Variants in KIF13A observed in about 807,000 individuals in gnomAD.
KIF13A encodes the protein kinesin-like protein KIF13A.
KIF13A carries 79 observed loss-of-function variants against 212.2 expected under a neutral mutation model. The observed-to-expected ratio is 0.37, with a 90% CI of 0.31 to 0.45. KIF13A has a LOEUF of 0.45. Among genes scored for constraint, KIF13A ranks in the 20% least tolerant of loss-of-function variants. The probability of loss-of-function intolerance (pLI) is 1.00; values close to 1 mark genes in which losing one functional copy is unlikely to be tolerated. For synonymous variants in KIF13A, 789 were observed against 808.6 expected (o/e 0.98, Z 0.41); for missense variants, 1,901 against 2,209.0 (o/e 0.86, Z 2.79).
Position 17,794,374 on chromosome 6 carries a change from C to G in KIF13A, c.3097G>C (p.Val1033Leu). The change falls in exon 25 of 39, where the codon GTC (valine) becomes CTC (leucine). Residue 1033 changes from valine to leucine, a missense_variant. Val to Leu is a conservative substitution (Grantham distance 32). Transcript: ENST00000259711. This position sits in a 1 kb window ranked among gnomAD's most constrained non-coding sequence, Gnocchi z 4.1. ...LRQGHSRRVQ[V>L]TVKPVQHSGT... is the part of the protein sequence containing the mutation. ...GAATGCTGCACAGGTTTCACCGTGA[C>G]TTGTACTCTACGGGAATGACCCTGA... 1 of 1,613,568 alleles carries G rather than the reference C, an allele frequency of 6.2e-7. No homozygotes were observed. Among genetic ancestry groups the G allele is most frequent in the Non-Finnish European group, 8.5e-7 (1 of 1,179,616 alleles).
At chr6:17,797,092 C>A (rs929338510) in intron 22 of KIF13A, among the ~76,000 whole-genome samples, 1 of 151,028 alleles carries the variant, frequency 6.6e-6, no homozygotes, top group East Asian at 2.0e-4. Flanking sequence ...TGCAGTGGTG[C>A]GATCTCCGCT....
chr6:17,818,671 T>C (rs765478048), intron 16 of KIF13A, among the ~76,000 whole-genome samples: 13 of 152,146 alleles, frequency 8.5e-5, no homozygotes, highest in Non-Finnish European at 1.6e-4. Flanking sequence ...AGCCTAAGTG[T>C]GGATATCATC....
chr6:17,800,124 G>C lies in KIF13A; in HGVS notation c.2455-11C>G, dbSNP rs536517659. 3.1e-6 allele frequency: 5 copies of C among 1,612,456 alleles called. No individual in the cohort carries two copies. In the South Asian group the frequency reaches 5.5e-5, roughly 18 times the overall value. On this transcript the variant is annotated splice_polypyrimidine_tract_variant and intron_variant, in intron 20 of 38. Coordinates refer to ENST00000259711, the MANE Select transcript of KIF13A (RefSeq NM_022113.6). ...GAGACGCCCTGCAACCTGGGTCAAG[G>C]AACCAGAGCACCTTAGAGTGAACAG...
intron 2 of KIF13A, among the ~76,000 whole-genome samples, chr6:17,985,632 C>CG (rs1554128614): frequency 0.031 from 1,197 of 38,164 alleles, 91 homozygotes; most frequent in African/African-American, 0.14. Flanking sequence ...ATGCAGTTTG[C>CG]GGGGGGGTGG....
chr6:17,952,731 C>T lies in KIF13A; in HGVS notation c.146+34323G>A, dbSNP rs183937358. 5.1e-3 allele frequency among the ~76,000 whole-genome samples: 772 copies of T among 152,060 alleles called. 2 individuals carry two copies. Among genetic ancestry groups the T allele is most frequent in the Middle Eastern group, 0.034 (10 of 294 alleles). On this transcript the variant is annotated intron_variant, in intron 2 of 38. Coordinates refer to ENST00000259711, the MANE Select transcript of KIF13A (RefSeq NM_022113.6). ...AGATCACGAGGTCAGGAGATTGAGA[C>T]CATCCTGGCTAACACGGTGAAACAC...
At position 17,786,939 on chromosome 6, in the gene KIF13A, TA is replaced by T. The variant is rs1253472206; in HGVS notation, c.3361+836del. 6.6e-6 allele frequency among the ~76,000 whole-genome samples: 1 copy of T among 152,092 alleles called. No individual in the cohort carries two copies. Among genetic ancestry groups the T allele is most frequent in the Admixed American group, 6.5e-5 (1 of 15,272 alleles). ...GGACCATGATGTCTGGATGACAGAC[TA>T]AGGATTTTAAGTGCATATTTCTACT... On this transcript the variant is annotated intron_variant, in intron 27 of 38. Coordinates refer to ENST00000259711, the MANE Select transcript of KIF13A (RefSeq NM_022113.6). The surrounding 1 kb of genome is among the most constrained non-coding windows in gnomAD (Gnocchi z 5.4).
At position 17,825,861 on chromosome 6, in the gene KIF13A, C is replaced by T; in HGVS notation, c.1693G>A (p.Asp565Asn). 6.2e-7 allele frequency: 1 copy of T among 1,613,980 alleles called. No homozygotes were observed. The highest frequency in any genetic ancestry group is 8.5e-7 in the Non-Finnish European group (1 of 1,179,864). Reference sequence around the variant, plus strand: ...GAAGCCTCACTGGCTGCATCCAGGTCATGCTCTGGCGGGCCCGTTTCTTTT... The same window carrying T: ...GAAGCCTCACTGGCTGCATCCAGGTTATGCTCTGGCGGGCCCGTTTCTTTT... ...FEKETGPPEH[D>N]LDAASEASSE... Residue 565 changes from aspartate to asparagine, a missense_variant, in exon 16 of 39, where the codon GAC (aspartate) becomes AAC (asparagine). This residue lies in a region of KIF13A where 534 missense variants were observed against 536.9 expected (regional missense o/e 0.99). Transcript: ENST00000259711. The surrounding 1 kb of genome is among the most constrained non-coding windows in gnomAD (Gnocchi z 4.5).
chr6:17,778,900 G>C lies in KIF13A; in HGVS notation c.4092+47C>G. On this transcript the variant is annotated intron_variant, in intron 33 of 38. Transcript: ENST00000259711. ...GTAAATTCATATCTGTCCATTGGGG[G>C]TGAAGGCTGGTGCTTTCATCCTCGG... 1.9e-6 allele frequency: 3 copies of C among 1,545,766 alleles called. No individual in the cohort carries two copies. The East Asian group carries it at 7.3e-5, about 38-fold the overall frequency.
At chr6:17,840,603 C>T (rs550345996) in intron 9 of KIF13A, among the ~76,000 whole-genome samples, 61 of 152,214 alleles carry the variant, frequency 4.0e-4, no homozygotes, top group Admixed American at 1.1e-3. Context: ...TTATCCATCA[C>T]CGAGAGAAGA....
Position 17,828,407 on chromosome 6 carries a change from T to C in KIF13A, c.1402-37A>G. The C allele has an allele frequency of 6.3e-7, 1 of 1,585,974 alleles. No individual in the cohort carries two copies. On this transcript the variant is annotated intron_variant, in intron 13 of 38. Transcript: ENST00000259711. This position sits in a 1 kb window ranked among gnomAD's most constrained non-coding sequence, Gnocchi z 4.3. ...TTATTAAGGAAAGAAAAACCCACAT[T>C]TATGAGTAACTCAGCAAAAATGTAT...
intron 32 of KIF13A, 138 bp downstream of exon 32, chr6:17,779,454 T>G: frequency 2.3e-6 from 1 of 438,768 alleles, no homozygotes; most frequent in Non-Finnish European, 4.3e-6. Flanking sequence ...GTATGTTTAG[T>G]AGAGATAGGG....
chr6:17,921,488 A>G (rs186230780), intron 2 of KIF13A, among the ~76,000 whole-genome samples: 177 of 152,360 alleles, frequency 1.2e-3, no homozygotes, highest in African/African-American at 3.9e-3. Context: ...GTAACCCCTT[A>G]GTACAATCTT....
chr6:17,796,822 T>A lies in KIF13A; in HGVS notation c.2791-2A>T. 4 of 1,494,658 alleles carry A rather than the reference T, an allele frequency of 2.7e-6. No homozygotes were observed. The highest frequency in any genetic ancestry group is 3.6e-6 in the Non-Finnish European group (4 of 1,117,064). The allele number at this position is 1,494,658 out of a possible 1,614,324, so 92.6% of individuals were successfully genotyped here. A position where few individuals can be genotyped will look rare whatever the true frequency, so the allele number is the denominator to read the frequency against. On this transcript the variant is annotated splice_acceptor_variant, in intron 22 of 38. Transcript: ENST00000259711. LOFTEE classifies it high-confidence loss of function. ...TTCTGTTACATTCACCACATAGTCC[T>A]GGGATAAGTGGGGGAAAGCAAAAGA...
In KIF13A at chr6:17,808,885, C is replaced by T. The variant is rs754477274; in HGVS notation, c.2046G>A (p.Leu682=). ...RQSLAKLREQ[L]VKANTLVREA... is the part of the protein sequence containing the mutation. ...CCCTCACCAAGGTATTAGCTTTAAC[C>T]AGCTGCTCTCGCAGTTTTGCCAGGC... The change falls in exon 18 of 39, where the codon CTG becomes CTA. Residue 682 remains leucine (L), a synonymous_variant. Transcript: ENST00000259711. The T allele has an allele frequency of 3.7e-6, 6 of 1,613,438 alleles. No homozygotes were observed. The South Asian group carries it at 6.6e-5, about 18-fold the overall frequency.
At position 17,927,641 on chromosome 6, in the gene KIF13A, C is replaced by A. The variant is rs187006054; in HGVS notation, c.147-29461G>T. Among the ~76,000 whole-genome samples, 9 of 152,304 alleles carry A rather than the reference C, an allele frequency of 5.9e-5. No individual in the cohort carries two copies. The South Asian group carries it at 1.7e-3, about 28-fold the overall frequency. On this transcript the variant is annotated intron_variant, in intron 2 of 38. Transcript: ENST00000259711. ...ATGTATTTGATACCACTGAATTGTA[C>A]ACTTTTAAACGGCTAAAATGATCAA...
chr6:17,899,502 C>A lies in KIF13A; in HGVS notation c.147-1322G>T, dbSNP rs190482826. ...AGAGCTCTGAGGGACTCGAACAAAA[C>A]TGAGAGCTCAGTAGCAGGGAAAAAA... On this transcript the variant is annotated intron_variant, in intron 2 of 38. Transcript: ENST00000259711. This position sits in a 1 kb window ranked among gnomAD's most constrained non-coding sequence, Gnocchi z 5.2. Among the ~76,000 whole-genome samples the A allele has an allele frequency of 6.6e-6, 1 of 152,288 alleles. No individual in the cohort carries two copies. The highest frequency in any genetic ancestry group is 6.5e-5 in the Admixed American group (1 of 15,300).
chr6:17,840,193 A>G (rs1326452312), intron 9 of KIF13A, among the ~76,000 whole-genome samples: 1 of 152,190 alleles, frequency 6.6e-6, no homozygotes, highest in Non-Finnish European at 1.5e-5. Context: ...ATGCTACTGA[A>G]TTGAACACTT....
chr6:17,889,333 A>C (rs527427221), intron 3 of KIF13A, among the ~76,000 whole-genome samples: 1 of 152,342 alleles, frequency 6.6e-6, no homozygotes, highest in South Asian at 2.1e-4. Flanking sequence ...AAAACTTATA[A>C]ACATAGAAGT....
chr6:17,829,935 ACC>A lies in KIF13A; in HGVS notation c.1401+1164_1401+1165del, dbSNP rs1765297501. Among the ~76,000 whole-genome samples, 6 of 152,146 alleles carry A rather than the reference ACC, an allele frequency of 3.9e-5. No individual in the cohort carries two copies. Among genetic ancestry groups the A allele is most frequent in the African/African-American group, 1.4e-4 (6 of 41,442 alleles). ...GTCTCACTGTTCTCAAGCAGGCAAT[ACC>A]TTCGCATTTAGAGATTCAGGTGTGT... On this transcript the variant is annotated intron_variant, in intron 13 of 38. Transcript: ENST00000259711. The surrounding 1 kb of genome is among the most constrained non-coding windows in gnomAD (Gnocchi z 5.4).
Sources: allele counts gnomAD v4.1 joint callset (sites outside exome capture counted in the v4.1 genomes callset), GRCh38; gene constraint gnomAD v4.1.1; regional missense constraint gnomAD v4.1.1; non-coding constraint Gnocchi (gnomAD v3.1); transcripts MANE v1.5; gene names NCBI Gene and HGNC (gene_info 2026-07-23, HGNC 2026-07-21).